NUP37: variants seen among roughly 807,000 people sequenced by gnomAD.
NUP37 encodes the protein nucleoporin 37, also known as nucleoporin Nup37.
In NUP37, 33 loss-of-function variants were observed where a neutral mutation model predicts 45.4. The ratio of observed to expected loss-of-function variants is 0.73; its 90% CI spans 0.55 to 0.97. NUP37 has a LOEUF of 0.97. Ranked by LOEUF, NUP37 falls within the 50% of genes least tolerant of loss-of-function variation. The probability of loss-of-function intolerance (pLI) is 0.00; values close to 1 mark genes in which losing one functional copy is unlikely to be tolerated. For missense variants in NUP37, 365 were observed against 389.7 expected (o/e 0.94, Z 0.53); for synonymous variants, 127 against 130.7 (o/e 0.97, Z 0.19).
rs368484020 is a variant in NUP37 at position 102,112,256 on chromosome 12, T to G, written c.157-24A>C. 50 of 1,580,386 alleles carry G rather than the reference T, an allele frequency of 3.2e-5. No individual in the cohort carries two copies. The African/African-American group carries it at 5.1e-4, about 16-fold the overall frequency. On this transcript the variant is annotated intron_variant, in intron 2 of 9. Transcript: ENST00000552283. Reference sequence around the variant, plus strand: ...TCCTAAGCATACACAGTAAATGTTTTAATAAGTAATGAGAACAAACAATAT... The same window carrying G: ...TCCTAAGCATACACAGTAAATGTTTGAATAAGTAATGAGAACAAACAATAT...
chr12:102,075,724 C>G (rs193036879), intron 8 of NUP37, among the ~76,000 whole-genome samples: 3 of 152,116 alleles, frequency 2.0e-5, no homozygotes, highest in Admixed American at 2.0e-4. Flanking sequence ...AATAAGGCAT[C>G]AAATATGACA....
chr12:102,096,257 T>C (rs888575507), intron 5 of NUP37, among the ~76,000 whole-genome samples: 3 of 152,132 alleles, frequency 2.0e-5, no homozygotes, highest in African/African-American at 7.2e-5. Context: ...AGAACCCAAT[T>C]TTCTTATAAA....
rs144473944 is a variant in NUP37, at chr12:102,077,329, G to T, written c.715C>A (p.Arg239=). The stretch of plus-strand genomic sequence containing the variant: ...AACATATCAAGAAAGTACCTGGACC[G>T]AGTAATATCCCAAATTAACCAATCA... ...GNDWLIWDIT[R]SSYPQNKRPV... is the part of the protein sequence containing the mutation. The change falls in exon 7 of 10, where the codon CGG becomes AGG. Residue 239 remains arginine, a synonymous_variant. Coordinates refer to ENST00000552283, the MANE Select transcript of NUP37 (RefSeq NM_024057.4). The T allele has an allele frequency of 3.7e-6, 6 of 1,613,960 alleles. No homozygotes were observed. Among genetic ancestry groups the T allele is most frequent in the Non-Finnish European group, 5.1e-6 (6 of 1,179,962 alleles).
intron 9 of NUP37, 180 bp downstream of exon 9, chr12:102,074,821 C>G (rs1446753534): frequency 4.5e-6 from 2 of 446,362 alleles, no homozygotes; most frequent in Admixed American, 4.0e-5. Context: ...ATGTAAACAT[C>G]AAAAAAAAAC....
intron 6 of NUP37, among the ~76,000 whole-genome samples, chr12:102,080,282 C>T (rs772242199): frequency 1.3e-5 from 2 of 152,094 alleles, no homozygotes; most frequent in Admixed American, 6.6e-5. Flanking sequence ...ATTAGCCAGG[C>T]GAGGTGGCAA....
chr12:102,098,290 C>T (rs1033190670), intron 5 of NUP37, among the ~76,000 whole-genome samples: 1 of 152,126 alleles, frequency 6.6e-6, no homozygotes, highest in African/African-American at 2.4e-5. Flanking sequence ...CTCATCTGTT[C>T]TAAATTAGGG....
intron 7 of NUP37, 149 bp downstream of exon 7, chr12:102,077,173 T>C (rs1443070973): frequency 1.3e-6 from 1 of 771,164 alleles, no homozygotes; most frequent in Non-Finnish European, 2.1e-6. Context: ...TTATGTTATA[T>C]AAAAATCCAT....
chr12:102,086,937 G>A (rs561828424), intron 5 of NUP37, among the ~76,000 whole-genome samples: 24 of 152,232 alleles, frequency 1.6e-4, no homozygotes, highest in Non-Finnish European at 3.2e-4. Flanking sequence ...CATAAAAATT[G>A]GCCAGGCATA....
chr12:102,090,354 CT>C (rs1184088258), intron 5 of NUP37, among the ~76,000 whole-genome samples: 1 of 151,636 alleles, frequency 6.6e-6, no homozygotes, highest in Non-Finnish European at 1.5e-5. Flanking sequence ...ACAGATTTTT[CT>C]TTTTTCCCCC....
At chr12:102,082,471 A>G (rs980319097) in intron 6 of NUP37, among the ~76,000 whole-genome samples, 3 of 152,250 alleles carry the variant, frequency 2.0e-5, no homozygotes, top group African/African-American at 7.2e-5. Context: ...CAATAATAGT[A>G]TCAACGATGA....
chr12:102,109,213 C>T (rs533508891), intron 3 of NUP37, among the ~76,000 whole-genome samples: 1 of 151,860 alleles, frequency 6.6e-6, no homozygotes, highest in East Asian at 1.9e-4. Context: ...AGCCACTACG[C>T]AAGAAAAGCA....
rs539038296 is a variant in NUP37 at position 102,100,407 on chromosome 12, T to C, written c.354+625A>G. Among the ~76,000 whole-genome samples the C allele has an allele frequency of 3.2e-4, 48 of 152,340 alleles. No individual in the cohort carries two copies. In the South Asian group the frequency reaches 9.7e-3, roughly 31 times the overall value. On this transcript the variant is annotated intron_variant, in intron 4 of 9. Transcript: ENST00000552283. ...TTTGACCCAATCTGAGGGTTATTAT[T>C]ATAGTAATAGAAAACACACATACGG...
intron 3 of NUP37, among the ~76,000 whole-genome samples, chr12:102,105,724 G>C (rs949685359): frequency 2.0e-5 from 3 of 151,830 alleles, no homozygotes; most frequent in Non-Finnish European, 4.4e-5. Flanking sequence ...AGCTGGGCAT[G>C]GTGATGTGCA....
chr12:102,101,024 C>A lies in NUP37; in HGVS notation c.354+8G>T. 1 of 1,456,782 alleles carries A rather than the reference C, an allele frequency of 6.9e-7. No homozygotes were observed. Among genetic ancestry groups the A allele is most frequent in the East Asian group, 2.4e-5 (1 of 42,122 alleles). The allele number at this position is 1,456,782 out of a possible 1,614,324, so 90.2% of individuals were successfully genotyped here. ...AAGCTCTAAAGATTTATATGGTTGT[C>A]AACATACCTTATATTCATTTTTATC... On this transcript the variant is annotated splice_region_variant and intron_variant, in intron 4 of 9. Transcript: ENST00000552283.
rs562898149 is a variant in NUP37, at chr12:102,091,711, T to G, written c.450-5855A>C. Among the ~76,000 whole-genome samples the G allele has an allele frequency of 2.6e-4, 40 of 152,232 alleles. 1 individual carries two copies. The Middle Eastern group carries it at 0.017, about 65-fold the overall frequency. On this transcript the variant is annotated intron_variant, in intron 5 of 9. Transcript: ENST00000552283. Reference sequence around the variant, plus strand: ...CACTGGGTAAGTAAAGCATCACTCCTCAAGTGAAATAAAATGACAGTTTTC... The same window carrying G: ...CACTGGGTAAGTAAAGCATCACTCCGCAAGTGAAATAAAATGACAGTTTTC...
intron 4 of NUP37, among the ~76,000 whole-genome samples, chr12:102,100,149 G>A (rs1440055420): frequency 6.6e-6 from 1 of 152,072 alleles, no homozygotes; most frequent in African/African-American, 2.4e-5. Flanking sequence ...ACTTTGGATA[G>A]GTCAAAATTT....
At chr12:102,087,304 T>C (rs958053052) in intron 5 of NUP37, among the ~76,000 whole-genome samples, 1 of 152,264 alleles carries the variant, frequency 6.6e-6, no homozygotes, top group Non-Finnish European at 1.5e-5. Context: ...GCTACTATTC[T>C]GTGCCAAAAC....
chr12:102,099,998 CA>C (rs1434797075), intron 4 of NUP37, among the ~76,000 whole-genome samples: 1 of 151,130 alleles, frequency 6.6e-6, no homozygotes, highest in Non-Finnish European at 1.5e-5. Context: ...AAACAAAAAA[CA>C]AAAAGATTTG....
intron 6 of NUP37, among the ~76,000 whole-genome samples, chr12:102,082,843 G>C (rs1184403810): frequency 6.6e-6 from 1 of 152,208 alleles, no homozygotes; most frequent in African/African-American, 2.4e-5. Flanking sequence ...AAAAGAAAGG[G>C]GGAGAATGCA....
Sources: allele counts gnomAD v4.1 joint callset (sites outside exome capture counted in the v4.1 genomes callset), GRCh38; gene constraint gnomAD v4.1.1; transcripts MANE v1.5; gene names NCBI Gene and HGNC (gene_info 2026-07-23, HGNC 2026-07-21).